GOLIM4: variants seen among roughly 807,000 people sequenced by gnomAD.
GOLIM4 encodes 130 kDa golgi-localized phosphoprotein.
In GOLIM4, 71 loss-of-function variants were observed where a neutral mutation model predicts 107.4. The observed-to-expected ratio is 0.66, with a 90% CI of 0.55 to 0.81. The LOEUF (loss-of-function observed/expected upper bound fraction) is 0.81. Among genes scored for constraint, GOLIM4 ranks in the 30% least tolerant of loss-of-function variants. The probability of loss-of-function intolerance (pLI) is 0.00; values close to 1 mark genes in which losing one functional copy is unlikely to be tolerated. For synonymous variants in GOLIM4, 327 were observed against 294.8 expected (o/e 1.11, Z -1.12); for missense variants, 830 against 826.1 (o/e 1.00, Z -0.06).
chr3:168,027,797 T>C lies in GOLIM4; in HGVS notation c.1554A>G (p.Gly518=), dbSNP rs772593489. Residue 518 remains glycine, a synonymous_variant, in exon 12 of 16, where the codon GGA becomes GGG. Transcript: ENST00000470487. ...GAGGCTCATGTCTATTACCTGGATC[T>C]CCTTCTGCTTCATCTTGGTGCTGGT... The part of the protein sequence containing the change: ...RDNQHQDEAE[G]DPGNRHEPRE... 1 of 1,613,390 alleles carries C rather than the reference T, an allele frequency of 6.2e-7. No individual in the cohort carries two copies. Among genetic ancestry groups the C allele is most frequent in the Non-Finnish European group, 8.5e-7 (1 of 1,179,508 alleles).
chr3:168,061,618 G>T (rs1035899340), intron 1 of GOLIM4, among the ~76,000 whole-genome samples: 1 of 152,120 alleles, frequency 6.6e-6, no homozygotes, highest in Non-Finnish European at 1.5e-5. Flanking sequence ...ATATCATTCA[G>T]CAATGTGAAC....
chr3:168,024,478 T>C lies in GOLIM4; in HGVS notation c.1860+48A>G, dbSNP rs1167162175. 3.3e-6 allele frequency: 4 copies of C among 1,222,746 alleles called. No homozygotes were observed. The Admixed American group carries it at 6.7e-5, about 21-fold the overall frequency. The allele number at this position is 1,222,746 out of a possible 1,614,324, so 75.7% of individuals were successfully genotyped here. ...TGCTGAGGTTTGTTTAAGGTTAGTG[T>C]GTGTGACAGACCAATCTGATCAGTC... On this transcript the variant is annotated intron_variant, in intron 14 of 15. Transcript: ENST00000470487.
chr3:168,011,621 C>G (rs1250914118), intron 14 of GOLIM4, among the ~76,000 whole-genome samples: 1 of 151,574 alleles, frequency 6.6e-6, no homozygotes, highest in African/African-American at 2.4e-5. Context: ...ACAGCAGTAA[C>G]CTCTGCAGAC....
intron 1 of GOLIM4, among the ~76,000 whole-genome samples, chr3:168,081,983 C>G (rs968849179): frequency 7.9e-5 from 12 of 152,218 alleles, no homozygotes; most frequent in African/African-American, 2.6e-4. Context: ...AACTCTGCCA[C>G]TTACAGTCAT....
intron 14 of GOLIM4, among the ~76,000 whole-genome samples, chr3:168,024,004 C>G (rs1037970353): frequency 1.2e-4 from 18 of 152,184 alleles, no homozygotes; most frequent in African/African-American, 3.4e-4. Flanking sequence ...TTTTCCTCCT[C>G]TTTTATTGTT....
Position 168,030,001 on chromosome 3 carries a change from T to A in GOLIM4, c.1212A>T (p.Gln404His), listed in dbSNP as rs148777755. 1 of 1,614,130 alleles carries A rather than the reference T, an allele frequency of 6.2e-7. No individual in the cohort carries two copies. Among genetic ancestry groups the A allele is most frequent in the South Asian group, 1.1e-5 (1 of 91,076 alleles). The change falls in exon 10 of 16, where the codon CAA becomes CAT. Residue 404 changes from glutamine to histidine, a missense_variant. Gln to His is a conservative substitution (Grantham distance 24, BLOSUM62 0). Transcript: ENST00000470487. The stretch of plus-strand genomic sequence containing the variant: ...GTTCCAACTGTTCCTCATAGGGTGA[T>A]TGGAATTTGATCATTGGCTTGGCTG... ...YPSAKPMIKF[Q>H]SPYEEQLEQQ... is the part of the protein sequence containing the mutation.
chr3:168,020,488 T>A (rs1056220153), intron 14 of GOLIM4, among the ~76,000 whole-genome samples: 1 of 152,214 alleles, frequency 6.6e-6, no homozygotes, highest in Non-Finnish European at 1.5e-5. Flanking sequence ...GGTAAGGGTC[T>A]GGTCCAGAAA....
intron 5 of GOLIM4, 50 bp from the exon 6 acceptor site, chr3:168,041,524 T>G: frequency 1.1e-6 from 1 of 880,826 alleles, no homozygotes; most frequent in Admixed American, 2.0e-5. Context: ...ACTTTCAGGA[T>G]TCTGTTTCTA....
intron 7 of GOLIM4, 81 bp downstream of exon 7, chr3:168,040,705 T>C: frequency 1.2e-6 from 1 of 846,968 alleles, no homozygotes. Flanking sequence ...GATTGGCTTG[T>C]AAGAGACTAC....
intron 1 of GOLIM4, among the ~76,000 whole-genome samples, chr3:168,065,547 T>C (rs997293992): frequency 1.3e-5 from 2 of 152,208 alleles, no homozygotes; most frequent in Non-Finnish European, 2.9e-5. Context: ...TGACACTGAA[T>C]AAATAATAAG....
chr3:168,049,151 G>C (rs1294807739), intron 1 of GOLIM4, among the ~76,000 whole-genome samples: 2 of 152,126 alleles, frequency 1.3e-5, no homozygotes, highest in Admixed American at 6.5e-5. Context: ...AGGGGAGGAA[G>C]AGCAGACATG....
intron 1 of GOLIM4, among the ~76,000 whole-genome samples, chr3:168,052,382 ACTCTCTCACACACACACT>A (rs1320916131): frequency 6.6e-6 from 1 of 151,446 alleles, no homozygotes; most frequent in Admixed American, 6.6e-5. Flanking sequence ...ACATACACAC[ACTCTCTCACACACACACT>A]CTCTCTCACA....
intron 8 of GOLIM4, 96 bp downstream of exon 8, chr3:168,036,740 C>G: frequency 4.4e-6 from 4 of 915,244 alleles, no homozygotes; most frequent in Non-Finnish European, 6.6e-6. Context: ...AACTACTGCT[C>G]TCCCAGAAAA....
chr3:168,082,892 G>A (rs1721445068), intron 1 of GOLIM4, among the ~76,000 whole-genome samples: 1 of 152,128 alleles, frequency 6.6e-6, no homozygotes, highest in African/African-American at 2.4e-5. Context: ...TTTAATTCTT[G>A]AATGAAATAC....
At chr3:168,056,415 C>T (rs897827549) in intron 1 of GOLIM4, among the ~76,000 whole-genome samples, 1 of 152,210 alleles carries the variant, frequency 6.6e-6, no homozygotes, top group Non-Finnish European at 1.5e-5. Flanking sequence ...GGAGTTGGAG[C>T]TCCCAAACAG....
intron 1 of GOLIM4, among the ~76,000 whole-genome samples, chr3:168,061,832 G>C (rs1268159036): frequency 6.6e-6 from 1 of 152,182 alleles, no homozygotes; most frequent in Non-Finnish European, 1.5e-5. Context: ...AAGAGAGTAA[G>C]AGGGAGCATT....
intron 1 of GOLIM4, among the ~76,000 whole-genome samples, chr3:168,056,179 C>CA (rs1719957545): frequency 6.6e-6 from 1 of 152,192 alleles, no homozygotes; most frequent in South Asian, 2.1e-4. Flanking sequence ...TGAAAGGCAC[C>CA]AACATAGAGC....
chr3:168,087,556 C>T (rs969762389), intron 1 of GOLIM4, among the ~76,000 whole-genome samples: 2 of 152,112 alleles, frequency 1.3e-5, no homozygotes, highest in Non-Finnish European at 2.9e-5. Context: ...ATTTCTTGTA[C>T]CCTGGAAATG....
chr3:168,049,593 C>T (rs141478406), intron 1 of GOLIM4, among the ~76,000 whole-genome samples: 1 of 152,230 alleles, frequency 6.6e-6, no homozygotes, highest in African/African-American at 2.4e-5. Context: ...ACAAGCTCCC[C>T]GTGACTACAT....
Sources: allele counts gnomAD v4.1 joint callset (sites outside exome capture counted in the v4.1 genomes callset), GRCh38; gene constraint gnomAD v4.1.1; transcripts MANE v1.5; gene names NCBI Gene and HGNC (gene_info 2026-07-23, HGNC 2026-07-21).